Variants in MAP3K3 observed in about 807,000 individuals in gnomAD.
The protein encoded by MAP3K3 is mitogen-activated protein kinase kinase kinase 3.
In MAP3K3, 12 loss-of-function variants were observed where a neutral mutation model predicts 80.9. The observed-to-expected ratio is 0.15, with a 90% CI of 0.10 to 0.24. The LOEUF (loss-of-function observed/expected upper bound fraction) is 0.24. MAP3K3 is among the 10% of genes least tolerant of loss of function. MAP3K3 has a pLI of 1.00. For synonymous variants in MAP3K3, 272 were observed against 307.1 expected (o/e 0.89, Z 1.19); for missense variants, 596 against 834.7 (o/e 0.71, Z 3.52).
intron 4 of MAP3K3, among the ~76,000 whole-genome samples, chr17:63,654,682 T>C (rs1269456595): frequency 2.0e-5 from 3 of 152,354 alleles, no homozygotes; most frequent in Admixed American, 6.5e-5. Flanking sequence ...TAGCAACTTA[T>C]GAGTGTATTA....
rs780043336 is a variant in MAP3K3 at position 63,681,922 on chromosome 17, ATGCC to A, written c.636+26_636+29del. On this transcript the variant is annotated intron_variant, in intron 7 of 15. Coordinates refer to ENST00000361733, the MANE Select transcript of MAP3K3 (RefSeq NM_002401.5). ...TGCGTGAGTATAGGGGGGCTGGGAT[ATGCC>A]TGTGGCCTGTATCAGCAGACCAAGC... The A allele has an allele frequency of 7.3e-6, 10 of 1,368,190 alleles. No individual in the cohort carries two copies. The African/African-American group carries it at 1.3e-4, about 18-fold the overall frequency. 84.8% of individuals were successfully genotyped at this position (1,368,190 alleles called of 1,614,324 possible).
Position 63,692,569 on chromosome 17 carries a change from T to A in MAP3K3, c.1652+150T>A. On this transcript the variant is annotated intron_variant, in intron 15 of 15. Transcript: ENST00000361733. The surrounding 1 kb of genome is among the most constrained non-coding windows in gnomAD (Gnocchi z 4.5). Reference sequence around the variant, plus strand: ...TGTGCAAGGGTATTATTGGGTGCAGTAGCACACACACCACATGGGTGGTGC... The same window carrying A: ...TGTGCAAGGGTATTATTGGGTGCAGAAGCACACACACCACATGGGTGGTGC... 1.3e-6 allele frequency: 1 copy of A among 764,864 alleles called. No individual in the cohort carries two copies. The highest frequency in any genetic ancestry group is 2.0e-6 in the Non-Finnish European group (1 of 494,236). 47.4% of individuals were successfully genotyped at this position (764,864 alleles called of 1,614,324 possible). A position where few individuals can be genotyped will look rare whatever the true frequency, so the allele number is the denominator to read the frequency against.
chr17:63,683,476 A>G (rs938167701), intron 7 of MAP3K3, among the ~76,000 whole-genome samples: 10 of 152,158 alleles, frequency 6.6e-5, no homozygotes, highest in African/African-American at 2.2e-4. Context: ...CCATGGTCCT[A>G]TACTCTGCCC....
chr17:63,677,274 C>T (rs1188674446), intron 6 of MAP3K3, among the ~76,000 whole-genome samples: 1 of 152,200 alleles, frequency 6.6e-6, no homozygotes, highest in Non-Finnish European at 1.5e-5. Flanking sequence ...TCTCCGTGCA[C>T]CTCACTTACC....
intron 4 of MAP3K3, 145 bp downstream of exon 4, chr17:63,652,801 A>G (rs970155666): frequency 1.1e-5 from 7 of 611,766 alleles, no homozygotes; most frequent in Admixed American, 3.0e-5. Flanking sequence ...AATTCCAACA[A>G]CTGTGGGATC....
chr17:63,643,628 T>G (rs2034487297), intron 2 of MAP3K3, among the ~76,000 whole-genome samples: 2 of 152,188 alleles, frequency 1.3e-5, no homozygotes, highest in African/African-American at 4.8e-5. Context: ...AAATAAAATT[T>G]ATTAATTAAA....
At chr17:63,636,832 A>G (rs1441344473) in intron 2 of MAP3K3, 2 of 350,132 alleles carry the variant, frequency 5.7e-6, no homozygotes, top group African/African-American at 4.3e-5. Context: ...GAAGGCCAAG[A>G]AGACTGCGTT....
At position 63,674,330 on chromosome 17, in the gene MAP3K3, C is replaced by T. The variant is rs2035172626; in HGVS notation, c.502+7270C>T. 2.0e-5 allele frequency among the ~76,000 whole-genome samples: 3 copies of T among 152,048 alleles called. No individual in the cohort carries two copies. The South Asian group carries it at 6.2e-4, about 32-fold the overall frequency. On this transcript the variant is annotated intron_variant, in intron 6 of 15. Transcript: ENST00000361733. ...CTGTAATCCCAGCACTTTGGGAGGC[C>T]AAGGTGGGTGGATTGCTTGAGCCCA...
chr17:63,650,955 C>G (rs1361917973), intron 3 of MAP3K3, among the ~76,000 whole-genome samples: 1 of 152,120 alleles, frequency 6.6e-6, no homozygotes, highest in Non-Finnish European at 1.5e-5. Flanking sequence ...CCTTGGCCTC[C>G]CAAAGTGCTT....
rs901642463 is a variant in MAP3K3 at position 63,689,224 on chromosome 17, G to A, written c.872-320G>A. 3.8e-6 allele frequency: 2 copies of A among 527,720 alleles called. No individual in the cohort carries two copies. The highest frequency in any genetic ancestry group is 6.8e-6 in the Non-Finnish European group (2 of 295,546). 32.7% of individuals were successfully genotyped at this position (527,720 alleles called of 1,614,324 possible). A position where few individuals can be genotyped will look rare whatever the true frequency, so the allele number is the denominator to read the frequency against. ...TACAAGGAAATCAGTGCCTTCGGGT[G>A]TGGCTTGGCCTTGCAAGCAATTGGG... is the stretch of plus-strand genomic sequence containing the variant. On this transcript the variant is annotated intron_variant, in intron 10 of 15. Transcript: ENST00000361733. This position sits in a 1 kb window ranked among gnomAD's most constrained non-coding sequence, Gnocchi z 4.3.
rs1350066354 is a variant in MAP3K3 at position 63,687,211 on chromosome 17, A to G, written c.711-1316A>G. On this transcript the variant is annotated intron_variant, in intron 8 of 15. Coordinates refer to ENST00000361733, the MANE Select transcript of MAP3K3 (RefSeq NM_002401.5). The stretch of plus-strand genomic sequence containing the variant: ...CGAAACCCCGTCTCTACTAAAAATG[A>G]AAAAAAAAAAAAAGCCAGGCGCGGT... Among the ~76,000 whole-genome samples, 3 of 53,518 alleles carry G rather than the reference A, an allele frequency of 5.6e-5. No individual in the cohort carries two copies. In the African/African-American group the frequency reaches 8.0e-4, roughly 14 times the overall value. 35.1% of individuals were successfully genotyped at this position (53,518 alleles called of 152,430 possible). A position where few individuals can be genotyped will look rare whatever the true frequency, so the allele number is the denominator to read the frequency against.
intron 7 of MAP3K3, chr17:63,682,636 T>C (rs2035363783): frequency 6.6e-6 from 1 of 152,264 alleles, no homozygotes; most frequent in African/African-American, 2.4e-5. Context: ...TCTTTTCTTC[T>C]GAATGTCACC....
intron 6 of MAP3K3, among the ~76,000 whole-genome samples, chr17:63,678,249 T>C (rs1334367246): frequency 2.6e-5 from 4 of 151,924 alleles, no homozygotes. Context: ...AATATTTTTT[T>C]AAGAAAAAAA....
intron 5 of MAP3K3, among the ~76,000 whole-genome samples, chr17:63,659,443 T>TC (rs1338718676): frequency 6.6e-6 from 1 of 151,882 alleles, no homozygotes; most frequent in Admixed American, 6.6e-5. Context: ...TGCTCAGGAA[T>TC]CCTCACCTCT....
At chr17:63,627,159 A>G (rs1314423587) in intron 1 of MAP3K3, among the ~76,000 whole-genome samples, 1 of 152,216 alleles carries the variant, frequency 6.6e-6, no homozygotes, top group Non-Finnish European at 1.5e-5. Context: ...CCAGGAGAAG[A>G]AAAACTACAT....
chr17:63,660,785 G>A (rs1181190780), intron 5 of MAP3K3, among the ~76,000 whole-genome samples: 2 of 151,310 alleles, frequency 1.3e-5, no homozygotes, highest in Non-Finnish European at 2.9e-5. Context: ...TAGTAGAGAC[G>A]GAGTTTCTCC....
At chr17:63,649,962 G>A (rs2034617340) in intron 3 of MAP3K3, among the ~76,000 whole-genome samples, 1 of 152,202 alleles carries the variant, frequency 6.6e-6, no homozygotes, top group Admixed American at 6.5e-5. Context: ...CTCTGGGGGA[G>A]CAGGGAAGAT....
chr17:63,634,121 C>G (rs529995074), intron 2 of MAP3K3, among the ~76,000 whole-genome samples: 1 of 152,300 alleles, frequency 6.6e-6, no homozygotes, highest in South Asian at 2.1e-4. Flanking sequence ...CATTCTTACA[C>G]TATTTTCATA....
At chr17:63,679,010 CAG>C (rs2035276705) in intron 6 of MAP3K3, among the ~76,000 whole-genome samples, 1 of 152,152 alleles carries the variant, frequency 6.6e-6, no homozygotes, top group African/African-American at 2.4e-5. Context: ...GCCTGGGCAA[CAG>C]AGCAAGACTC....
Sources: gnomAD v4.1 joint callset for allele counts (sites outside exome capture counted in the v4.1 genomes callset) on GRCh38, gnomAD v4.1.1 for gene constraint, Gnocchi (gnomAD v3.1) non-coding constraint, MANE v1.5 for transcripts, NCBI Gene and HGNC (gene_info 2026-07-23, HGNC 2026-07-21) for gene names.